The following DSCAML1 variants were observed in gnomAD, a reference collection of about 807,000 sequenced individuals.
DSCAML1 encodes the protein cell adhesion molecule DSCAML1.
DSCAML1 carries 38 observed loss-of-function variants against 200.5 expected under a neutral mutation model. The ratio of observed to expected loss-of-function variants is 0.19; its 90% CI spans 0.15 to 0.25. DSCAML1 has a LOEUF of 0.25. DSCAML1 is among the 10% of genes least tolerant of loss of function. The probability of loss-of-function intolerance (pLI) is 1.00; values close to 1 mark genes in which losing one functional copy is unlikely to be tolerated. For missense variants in DSCAML1, 2,223 were observed against 2,858.8 expected (o/e 0.78, Z 5.07); for synonymous variants, 1,215 against 1,165.0 (o/e 1.04, Z -0.87).
chr11:117,464,341 C>T (rs2048537202), intron 17 of DSCAML1, among the ~76,000 whole-genome samples: 1 of 152,174 alleles, frequency 6.6e-6, no homozygotes, highest in Non-Finnish European at 1.5e-5. Context: ...CAGCTGGCAT[C>T]TTCTCTGTGC....
Position 117,747,754 on chromosome 11 carries a change from C to T in DSCAML1, c.511+29037G>A, listed in dbSNP as rs533510141. On this transcript the variant is annotated intron_variant, in intron 3 of 32. Transcript: ENST00000651296. The stretch of plus-strand genomic sequence containing the variant: ...TCAGGTAACAGGAGAAGGACAATAC[C>T]CAATCTCACAATCGTGCTGCATGTG... Among the ~76,000 whole-genome samples, 5 of 152,230 alleles carry T rather than the reference C, an allele frequency of 3.3e-5. No homozygotes were observed. The East Asian group carries it at 9.7e-4, about 29-fold the overall frequency.
At chr11:117,637,833 G>A (rs1436188889) in intron 3 of DSCAML1, among the ~76,000 whole-genome samples, 3 of 152,170 alleles carry the variant, frequency 2.0e-5, no homozygotes, top group Admixed American at 1.3e-4. Context: ...TTACATTAGC[G>A]GAGAAATAAT....
intron 3 of DSCAML1, among the ~76,000 whole-genome samples, chr11:117,629,382 C>T (rs999516830): frequency 6.6e-6 from 1 of 152,108 alleles, no homozygotes; most frequent in East Asian, 1.9e-4. Flanking sequence ...AGCTGGGAGG[C>T]CACGGAAGCT....
chr11:117,677,926 A>G (rs1036117572), intron 3 of DSCAML1, among the ~76,000 whole-genome samples: 3 of 152,116 alleles, frequency 2.0e-5, no homozygotes, highest in Non-Finnish European at 4.4e-5. Context: ...GAGCTGTCTC[A>G]AAGGACTCCA....
intron 3 of DSCAML1, among the ~76,000 whole-genome samples, chr11:117,727,596 G>A (rs924802486): frequency 1.4e-4 from 22 of 152,214 alleles, no homozygotes; most frequent in Admixed American, 5.2e-4. Flanking sequence ...CAATGCAAGG[G>A]ACTGTATCCA....
intron 1 of DSCAML1, among the ~76,000 whole-genome samples, chr11:117,786,456 CG>C (rs1369688656): frequency 2.0e-5 from 3 of 152,194 alleles, no homozygotes; most frequent in Non-Finnish European, 4.4e-5. Flanking sequence ...CCAGGGTCAC[CG>C]CTGAAACCTA....
chr11:117,623,053 G>A (rs932028696), intron 3 of DSCAML1, among the ~76,000 whole-genome samples: 5 of 151,900 alleles, frequency 3.3e-5, no homozygotes, highest in Non-Finnish European at 5.9e-5. Context: ...GTCTCAGGCA[G>A]GTTATTTAAT....
At chr11:117,496,650 T>C (rs552054696) in intron 11 of DSCAML1, among the ~76,000 whole-genome samples, 11 of 152,312 alleles carry the variant, frequency 7.2e-5, no homozygotes, top group South Asian at 6.2e-4. Flanking sequence ...AGTGCTGTGG[T>C]CATGGGGACT....
At position 117,461,513 on chromosome 11, in the gene DSCAML1, T is replaced by C. The variant is rs754602483; in HGVS notation, c.3349A>G (p.Ser1117Gly). Residue 1117 changes from serine to glycine, a missense_variant, in exon 18 of 33, where the codon AGC becomes GGC. Around this residue, in one of 7 missense-constraint regions of DSCAML1, gnomAD observed 438 missense variants for 629.7 expected, o/e 0.70. Coordinates refer to ENST00000651296, the MANE Select transcript of DSCAML1 (RefSeq NM_020693.4). ...CCTTTGAGGACGCCATTGAGGGTGC[T>C]GCGCGGGGGCTCTGACCAGGAGATG... is the stretch of plus-strand genomic sequence containing the variant. ...AVISWSEPPRSTLNGVLKGYR... is the reference protein window; with the variant it reads ...AVISWSEPPRGTLNGVLKGYR... The C allele has an allele frequency of 1.2e-6, 2 of 1,614,160 alleles. No individual in the cohort carries two copies. The highest frequency in any genetic ancestry group is 1.7e-6 in the Non-Finnish European group (2 of 1,180,036).
intron 3 of DSCAML1, among the ~76,000 whole-genome samples, chr11:117,708,514 T>C (rs2053790718): frequency 6.6e-6 from 1 of 152,186 alleles, no homozygotes; most frequent in African/African-American, 2.4e-5. Context: ...ATAATACCCA[T>C]CTCAAAGTCT....
chr11:117,478,630 G>A (rs142691981), intron 14 of DSCAML1, among the ~76,000 whole-genome samples: 356 of 152,308 alleles, frequency 2.3e-3, no homozygotes, highest in Non-Finnish European at 3.4e-3. Flanking sequence ...TGAAAGCTCA[G>A]CCCGGACGCC....
intron 3 of DSCAML1, among the ~76,000 whole-genome samples, chr11:117,762,167 A>G (rs576208033): frequency 6.6e-6 from 1 of 152,358 alleles, no homozygotes; most frequent in African/African-American, 2.4e-5. Context: ...TGTCACAAGT[A>G]TAAAATGAGA....
chr11:117,660,951 T>C (rs2052836553), intron 3 of DSCAML1, among the ~76,000 whole-genome samples: 1 of 152,152 alleles, frequency 6.6e-6, no homozygotes, highest in Non-Finnish European at 1.5e-5. Flanking sequence ...TTCCTTTGAG[T>C]TGGGGATTGT....
intron 3 of DSCAML1, among the ~76,000 whole-genome samples, chr11:117,765,210 G>A (rs1335867894): frequency 6.6e-6 from 1 of 152,174 alleles, no homozygotes; most frequent in Admixed American, 6.5e-5. Flanking sequence ...CAGAAGCTCT[G>A]TGCCTGGCTC....
rs906276023 is a variant in DSCAML1 at position 117,742,266 on chromosome 11, G to T, written c.511+34525C>A. ...AATGACTTAACCCAAGACTGTAGACGGTGCTACCTTAGAGAGGAAGCCTGA... is the reference window on the plus strand; with the variant it reads ...AATGACTTAACCCAAGACTGTAGACTGTGCTACCTTAGAGAGGAAGCCTGA... On this transcript the variant is annotated intron_variant, in intron 3 of 32. Coordinates refer to ENST00000651296, the MANE Select transcript of DSCAML1 (RefSeq NM_020693.4). Among the ~76,000 whole-genome samples the T allele has an allele frequency of 2.0e-5, 3 of 152,124 alleles. No homozygotes were observed. The East Asian group carries it at 5.8e-4, about 29-fold the overall frequency.
At chr11:117,797,281 C>A, upstream of DSCAML1, 1 of 1,339,088 alleles carries the variant, frequency 7.5e-7, no homozygotes, top group Non-Finnish European at 9.5e-7. Flanking sequence ...GGCTAGGCGG[C>A]CGCTCTCCCC....
At chr11:117,568,907 A>G (rs1245417771) in intron 3 of DSCAML1, among the ~76,000 whole-genome samples, 4 of 152,146 alleles carry the variant, frequency 2.6e-5, no homozygotes, top group African/African-American at 7.2e-5. Flanking sequence ...AGCCCGCATC[A>G]CCAAGTCAAT....
rs570587030 is a variant in DSCAML1 at position 117,672,590 on chromosome 11, T to C, written c.511+104201A>G. Among the ~76,000 whole-genome samples the C allele has an allele frequency of 2.0e-5, 3 of 152,216 alleles. No homozygotes were observed. The South Asian group carries it at 6.2e-4, about 32-fold the overall frequency. On this transcript the variant is annotated intron_variant, in intron 3 of 32. Transcript: ENST00000651296. The stretch of plus-strand genomic sequence containing the variant: ...CGACGCAATCACAGCAACTTCAGAA[T>C]AAGCCCATGGGCATCCAGGGCGAGC...
At chr11:117,676,629 C>T (rs570186809) in intron 3 of DSCAML1, among the ~76,000 whole-genome samples, 11 of 152,352 alleles carry the variant, frequency 7.2e-5, no homozygotes, top group African/African-American at 2.6e-4. Context: ...AATCAGCCTC[C>T]ATCACAGGTG....
Sources: allele counts gnomAD v4.1 joint callset (sites outside exome capture counted in the v4.1 genomes callset), GRCh38; gene constraint gnomAD v4.1.1; regional missense constraint gnomAD v4.1.1; transcripts MANE v1.5; gene names NCBI Gene and HGNC (gene_info 2026-07-23, HGNC 2026-07-21).